Variants in CHCHD3 observed in about 807,000 individuals in gnomAD.
The protein encoded by CHCHD3 is coiled-coil-helix-coiled-coil-helix domain containing 3, also known as MICOS complex subunit MIC19.
In CHCHD3, 20 loss-of-function variants were observed where a neutral mutation model predicts 38.2. The ratio of observed to expected loss-of-function variants is 0.52; its 90% CI spans 0.37 to 0.76. The LOEUF is 0.76. CHCHD3 is among the 30% of genes least tolerant of loss of function. CHCHD3 has a pLI of 0.00. For synonymous variants in CHCHD3, 82 were observed against 100.0 expected, an observed-to-expected ratio of 0.82 and a Z score of 1.07; for missense variants, 245 against 279.2, an observed-to-expected ratio of 0.88 and a Z score of 0.87.
chr7:133,059,449 G>T (rs141814397), intron 2 of CHCHD3, among the ~76,000 whole-genome samples: 1 of 152,270 alleles, frequency 6.6e-6, no homozygotes, highest in Non-Finnish European at 1.5e-5. Context: ...GGAACTGAGA[G>T]CGGGAGGGTC....
intron 6 of CHCHD3, among the ~76,000 whole-genome samples, chr7:132,796,989 A>G (rs1431254617): frequency 2.0e-5 from 3 of 152,156 alleles, no homozygotes; most frequent in African/African-American, 7.2e-5. Flanking sequence ...CAAGTGAGCC[A>G]CATCCTGAAT....
intron 5 of CHCHD3, among the ~76,000 whole-genome samples, chr7:132,842,119 T>A (rs902659098): frequency 2.6e-5 from 4 of 152,036 alleles, no homozygotes; most frequent in South Asian, 2.1e-4. Flanking sequence ...AAATTTTTTT[T>A]AATATTTTAT....
At chr7:132,973,667 A>G in intron 4 of CHCHD3, 4 of 1,022,942 alleles carry the variant, frequency 3.9e-6, no homozygotes, top group Non-Finnish European at 3.5e-6. Context: ...CAGATTTGTC[A>G]CTGAAGAAAC....
In CHCHD3 at chr7:133,065,945, T is replaced by C. The variant is rs1814655869; in HGVS notation, c.169+4197A>G. On this transcript the variant is annotated intron_variant, in intron 2 of 7. Transcript: ENST00000262570. ...AATCATGTACTCAAAGAACCTGTCC[T>C]ATGAGCCTTGTTGAGTCTTTTTCAC... 1.3e-5 allele frequency among the ~76,000 whole-genome samples: 2 copies of C among 152,214 alleles called. 1 individual carries two copies. The highest frequency in any genetic ancestry group is 4.1e-4 in the South Asian group (2 of 4,834).
chr7:132,927,263 G>GT (rs1810400259), intron 4 of CHCHD3, among the ~76,000 whole-genome samples: 1 of 152,166 alleles, frequency 6.6e-6, no homozygotes, highest in African/African-American at 2.4e-5. Context: ...TTCCTTAGCT[G>GT]TGTTTATTAG....
intron 4 of CHCHD3, among the ~76,000 whole-genome samples, chr7:132,944,877 T>C (rs1329948099): frequency 6.6e-6 from 1 of 152,068 alleles, no homozygotes; most frequent in Non-Finnish European, 1.5e-5. Flanking sequence ...ACAAAATTAT[T>C]ATTCCAAAAT....
intron 3 of CHCHD3, among the ~76,000 whole-genome samples, chr7:132,988,315 A>C (rs961209609): frequency 4.0e-5 from 6 of 151,462 alleles, no homozygotes; most frequent in African/African-American, 9.7e-5. Flanking sequence ...ACACACACAC[A>C]CCCACACAAA....
At chr7:132,826,482 C>T (rs1279791662) in intron 6 of CHCHD3, among the ~76,000 whole-genome samples, 1 of 152,166 alleles carries the variant, frequency 6.6e-6, no homozygotes, top group African/African-American at 2.4e-5. Flanking sequence ...CCTTAATGAG[C>T]ACATTTATCA....
chr7:132,881,415 A>C (rs1809053487), intron 5 of CHCHD3, among the ~76,000 whole-genome samples: 1 of 152,192 alleles, frequency 6.6e-6, no homozygotes, highest in South Asian at 2.1e-4. Flanking sequence ...AGAAATCTGC[A>C]TCAAGCCAAT....
At chr7:132,967,835 A>G (rs1243832016) in intron 4 of CHCHD3, among the ~76,000 whole-genome samples, 1 of 151,382 alleles carries the variant, frequency 6.6e-6, no homozygotes, top group African/African-American at 2.4e-5. Context: ...CTCAAAAAAA[A>G]AAAAAAAAGA....
chr7:132,815,485 C>T (rs780093150), intron 6 of CHCHD3: 7 of 447,006 alleles, frequency 1.6e-5, no homozygotes, highest in South Asian at 1.1e-4. Flanking sequence ...CTTTTAGGTC[C>T]CTGCAAATGC....
At chr7:132,937,268 G>C (rs1810652569) in intron 4 of CHCHD3, among the ~76,000 whole-genome samples, 1 of 152,170 alleles carries the variant, frequency 6.6e-6, no homozygotes, top group African/African-American at 2.4e-5. Context: ...GACATAGAAA[G>C]ATTTGGATTT....
intron 6 of CHCHD3, among the ~76,000 whole-genome samples, chr7:132,821,997 C>G (rs1362841787): frequency 3.9e-5 from 6 of 152,168 alleles, no homozygotes. Flanking sequence ...CTCCTGACCT[C>G]ATGATCCACC....
At chr7:132,863,761 C>T (rs536879119) in intron 5 of CHCHD3, among the ~76,000 whole-genome samples, 2 of 152,238 alleles carry the variant, frequency 1.3e-5, no homozygotes, top group Non-Finnish European at 2.9e-5. Context: ...TCCACATCAG[C>T]ACCTAGTGCT....
chr7:133,034,589 G>A (rs78193687), intron 2 of CHCHD3: 109,486 of 1,490,712 alleles, frequency 0.073, 4,082 homozygotes, highest in Middle Eastern at 0.11. Flanking sequence ...CAGGCAGCTA[G>A]GTGATGGCAA....
At chr7:132,886,683 C>T (rs138058221) in intron 4 of CHCHD3, among the ~76,000 whole-genome samples, 2,513 of 139,530 alleles carry the variant, frequency 0.018, 29 homozygotes, top group Admixed American at 0.026. Context: ...CATATATATA[C>T]ACACACACTA....
At chr7:132,914,180 G>A (rs903808013) in intron 4 of CHCHD3, among the ~76,000 whole-genome samples, 1 of 149,414 alleles carries the variant, frequency 6.7e-6, no homozygotes, top group African/African-American at 2.5e-5. Flanking sequence ...AGTAGAGATG[G>A]GGTTTCACCA....
chr7:132,975,425 C>T, intron 3 of CHCHD3, 139 bp from the exon 4 acceptor site: 1 of 668,976 alleles, frequency 1.5e-6, no homozygotes, highest in Non-Finnish European at 2.5e-6. Context: ...CATAATCTAT[C>T]AAAAAAGCAG....
intron 6 of CHCHD3, among the ~76,000 whole-genome samples, chr7:132,811,135 C>T (rs1807059653): frequency 6.6e-6 from 1 of 152,138 alleles, no homozygotes; most frequent in Admixed American, 6.5e-5. Context: ...GGATCTGCAC[C>T]CATCTTCTTT....
Sources: gnomAD v4.1 joint callset for allele counts (sites outside exome capture counted in the v4.1 genomes callset) on GRCh38, gnomAD v4.1.1 for gene constraint, MANE v1.5 for transcripts, NCBI Gene and HGNC (gene_info 2026-07-23, HGNC 2026-07-21) for gene names.